Variants in LRIT3 observed in about 807,000 individuals in gnomAD.
LRIT3 encodes the protein leucine rich repeat, Ig-like and transmembrane domains 3.
LRIT3 carries 14 observed loss-of-function variants against 22.6 expected under a neutral mutation model. The ratio of observed to expected loss-of-function variants is 0.62; its 90% confidence interval spans 0.41 to 0.97. LRIT3 has a LOEUF of 0.97. Among genes scored for constraint, LRIT3 ranks in the 50% least tolerant of loss-of-function variants. LRIT3 has a pLI of 0.00. For missense variants in LRIT3, 783 were observed against 803.0 expected, an observed-to-expected ratio of 0.98 and a Z score of 0.30; for synonymous variants, 306 against 304.5, an observed-to-expected ratio of 1.01 and a Z score of -0.05.
In LRIT3 at chr4:109,870,623, CTT is replaced by C. The variant is rs1304468636; in HGVS notation, c.1875_1876del (p.Ile627ProfsTer3). On this transcript the variant is annotated frameshift_variant, in exon 4 of 4. Coordinates refer to ENST00000594814, the MANE Select transcript of LRIT3 (RefSeq NM_198506.5). LOFTEE classifies it high-confidence loss of function. ...TGGGAAGATGATTTGGCAAAGGAGA[CTT>C]ATATCCAATTTGAGACCCTGTTTCC... 4.3e-6 allele frequency: 7 copies of C among 1,614,020 alleles called. No individual in the cohort carries two copies. The highest frequency in any genetic ancestry group is 5.9e-6 in the Non-Finnish European group (7 of 1,179,956).
intron 1 of LRIT3, among the ~76,000 whole-genome samples, chr4:109,849,834 A>G (rs1193998677): frequency 6.6e-6 from 1 of 152,174 alleles, no homozygotes; most frequent in Non-Finnish European, 1.5e-5. Flanking sequence ...GCTGGTCTCA[A>G]ACTCCTGACC....
At position 109,869,858 on chromosome 4, in the gene LRIT3, A is replaced by T. The variant is rs778238467; in HGVS notation, c.1109A>T (p.Gln370Leu). ...RTGDHPEWDV[Q>L]PGSGRSTSVS... Reference sequence around the variant, plus strand: ...GGAGATCATCCTGAGTGGGATGTCCAGCCGGGATCTGGAAGATCTACATCT... The same window carrying T: ...GGAGATCATCCTGAGTGGGATGTCCTGCCGGGATCTGGAAGATCTACATCT... Residue 370 changes from glutamine to leucine, a missense_variant, in exon 4 of 4, where the codon CAG becomes CTG. Around this residue, in one of 2 missense-constraint regions of LRIT3, gnomAD observed 756 missense variants for 753.8 expected, o/e 1.00. Coordinates refer to ENST00000594814, the MANE Select transcript of LRIT3 (RefSeq NM_198506.5). The T allele has an allele frequency of 6.2e-7, 1 of 1,614,080 alleles. No individual in the cohort carries two copies. Among genetic ancestry groups the T allele is most frequent in the Non-Finnish European group, 8.5e-7 (1 of 1,179,996 alleles).
rs759099906 is a variant in LRIT3 at position 109,870,175 on chromosome 4, G to A, written c.1426G>A (p.Asp476Asn). The change falls in exon 4 of 4, where the codon GAT becomes AAT. Residue 476 changes from aspartate to asparagine, a missense_variant. Physicochemically the swap from Asp to Asn is conservative, Grantham distance 23. Transcript: ENST00000594814. ...TAAGAAAGAAGAGCTGGCATTGTTG[G>A]ATCAAACAATGCTTACGGAGACAAA... ...TSKKEELALL[D>N]QTMLTETNAA... 5.8e-5 allele frequency: 93 copies of A among 1,614,092 alleles called. No individual in the cohort carries two copies. Among genetic ancestry groups the A allele is most frequent in the Non-Finnish European group, 7.4e-5 (87 of 1,180,038 alleles).
chr4:109,851,095 C>T (rs1159774361), intron 1 of LRIT3, among the ~76,000 whole-genome samples: 2 of 152,142 alleles, frequency 1.3e-5, no homozygotes, highest in Non-Finnish European at 2.9e-5. Context: ...CTGTGAAACC[C>T]ACTAGCTGGG....
chr4:109,858,052 C>G (rs1734445258), intron 2 of LRIT3, among the ~76,000 whole-genome samples: 2 of 152,104 alleles, frequency 1.3e-5, no homozygotes, highest in African/African-American at 4.8e-5. Flanking sequence ...AGGTGGATAC[C>G]TAAAACCTAA....
intron 2 of LRIT3, among the ~76,000 whole-genome samples, chr4:109,853,589 T>C (rs1734323990): frequency 6.6e-6 from 1 of 152,208 alleles, no homozygotes; most frequent in Admixed American, 6.5e-5. Context: ...AGAAGTTCTT[T>C]AGTTTAATTA....
intron 1 of LRIT3, among the ~76,000 whole-genome samples, chr4:109,850,694 C>T (rs1734233083): frequency 6.6e-6 from 1 of 151,652 alleles, no homozygotes; most frequent in African/African-American, 2.4e-5. Context: ...CCAGGCTGGT[C>T]TCAAACATCT....
At chr4:109,863,758 C>G (rs953340850) in intron 2 of LRIT3, among the ~76,000 whole-genome samples, 1 of 152,184 alleles carries the variant, frequency 6.6e-6, no homozygotes. Context: ...GGCAGGCAAA[C>G]TTGCCCATAT....
At chr4:109,863,047 T>G (rs570398356) in intron 2 of LRIT3, among the ~76,000 whole-genome samples, 2 of 152,238 alleles carry the variant, frequency 1.3e-5, no homozygotes, top group Admixed American at 6.5e-5. Context: ...ACTCTAAATG[T>G]TTTTAGATGG....
chr4:109,865,983 G>A (rs1185532381), intron 2 of LRIT3, among the ~76,000 whole-genome samples: 11 of 152,058 alleles, frequency 7.2e-5, no homozygotes, highest in Admixed American at 7.2e-4. Flanking sequence ...CAATAACTAG[G>A]TATAGATTAA....
chr4:109,848,419 C>T (rs1300517403), intron 1 of LRIT3, 102 bp downstream of exon 1: 4 of 542,688 alleles, frequency 7.4e-6, no homozygotes, highest in African/African-American at 2.0e-5. Context: ...GATCAGAAAT[C>T]ACAGAAGAGA....
Position 109,870,210 on chromosome 4 carries a change from A to G in LRIT3, c.1461A>G (p.Ile487Met), listed in dbSNP as rs1236692431. ...QTMLTETNAAIENLRVVSETK... is the reference protein window; with the variant it reads ...QTMLTETNAAMENLRVVSETK... ...TGCTTACGGAGACAAATGCCGCAATAGAAAACCTCAGGGTGGTCAGTGAGA... is the reference window on the plus strand; with the variant it reads ...TGCTTACGGAGACAAATGCCGCAATGGAAAACCTCAGGGTGGTCAGTGAGA... Residue 487 changes from isoleucine (I) to methionine (M), a missense_variant, in exon 4 of 4, where the codon ATA becomes ATG. By Grantham distance (10) the Ile-to-Met change is conservative. Transcript: ENST00000594814. The G allele has an allele frequency of 6.2e-7, 1 of 1,614,248 alleles. No individual in the cohort carries two copies. The highest frequency in any genetic ancestry group is 2.2e-5 in the East Asian group (1 of 44,892).
At chr4:109,867,521 A>G in intron 2 of LRIT3, 120 bp from the exon 3 acceptor site, 1 of 877,822 alleles carries the variant, frequency 1.1e-6, no homozygotes, top group Non-Finnish European at 1.8e-6. Context: ...ACTCTGCTTC[A>G]TCCCTCAAAG....
At chr4:109,852,673 T>C (rs1734302163) in intron 2 of LRIT3, among the ~76,000 whole-genome samples, 1 of 152,162 alleles carries the variant, frequency 6.6e-6, no homozygotes, top group South Asian at 2.1e-4. Flanking sequence ...CATGCCATGG[T>C]GGCTTGCTGC....
At chr4:109,866,056 A>G (rs1360069271) in intron 2 of LRIT3, among the ~76,000 whole-genome samples, 1 of 152,236 alleles carries the variant, frequency 6.6e-6, no homozygotes, top group Non-Finnish European at 1.5e-5. Flanking sequence ...GCATACTTCT[A>G]AAACAGGAGA....
At chr4:109,856,460 G>T (rs373270508) in intron 2 of LRIT3, among the ~76,000 whole-genome samples, 1 of 152,102 alleles carries the variant, frequency 6.6e-6, no homozygotes. Flanking sequence ...CATTGAATGG[G>T]GTTGAGATTA....
chr4:109,867,681 C>T lies in LRIT3; in HGVS notation c.630C>T (p.Ser210=), dbSNP rs1734716533. ...DNPWFCDCHI[S]KMIELSKVVD... ...CTTGGTTCTGTGACTGTCATATTTC[C>T]AAAATGATTGAGTTGTCAAAGGTCG... The change falls in exon 3 of 4, where the codon TCC becomes TCT. Residue 210 remains serine (S), a synonymous_variant. Transcript: ENST00000594814. 1 of 1,614,072 alleles carries T rather than the reference C, an allele frequency of 6.2e-7. No individual in the cohort carries two copies. Among genetic ancestry groups the T allele is most frequent in the African/African-American group, 1.3e-5 (1 of 75,020 alleles).
chr4:109,857,923 T>G (rs1560591836), intron 2 of LRIT3, among the ~76,000 whole-genome samples: 2 of 151,710 alleles, frequency 1.3e-5, no homozygotes, highest in South Asian at 2.1e-4. Flanking sequence ...TCTTAGAGGT[T>G]TTAATGAGAG....
chr4:109,869,871 A>G lies in LRIT3; in HGVS notation c.1122A>G (p.Gly374=), dbSNP rs373003106. The G allele has an allele frequency of 7.4e-6, 12 of 1,613,662 alleles. No individual in the cohort carries two copies. The highest frequency in any genetic ancestry group is 3.3e-4 in the Middle Eastern group (2 of 6,084). ...HPEWDVQPGS[G]RSTSVSSASS... ...AGTGGGATGTCCAGCCGGGATCTGG[A>G]AGATCTACATCTGTATCTAGCGCAT... Residue 374 remains glycine (G), a synonymous_variant, in exon 4 of 4, where the codon GGA becomes GGG. Coordinates refer to ENST00000594814, the MANE Select transcript of LRIT3 (RefSeq NM_198506.5).
Sources: gnomAD v4.1 joint callset for allele counts (sites outside exome capture counted in the v4.1 genomes callset) on GRCh38, gnomAD v4.1.1 for gene constraint, gnomAD v4.1.1 regional missense constraint, MANE v1.5 for transcripts, NCBI Gene and HGNC (gene_info 2026-07-23, HGNC 2026-07-21) for gene names.